LPP: variants seen among roughly 807,000 people sequenced by gnomAD.
LPP encodes lipoma-preferred partner.
In LPP, 38 loss-of-function variants were observed where a neutral mutation model predicts 60.4. The ratio of observed to expected loss-of-function variants is 0.63; its 90% CI spans 0.49 to 0.83. The LOEUF (loss-of-function observed/expected upper bound fraction) is 0.83, where lower values mean the gene tolerates loss of function less well. Among genes scored for constraint, LPP ranks in the 40% least tolerant of loss-of-function variants. The pLI is 0.00. For synonymous variants in LPP, 328 were observed against 290.8 expected (o/e 1.13, Z -1.30); for missense variants, 902 against 783.6 (o/e 1.15, Z -1.80).
chr3:188,760,130 G>A lies in LPP; in HGVS notation c.1258G>A (p.Gly420Arg), dbSNP rs558271192. 15 of 1,613,928 alleles carry A rather than the reference G, an allele frequency of 9.3e-6. No homozygotes were observed. In the South Asian group the frequency reaches 1.4e-4, roughly 15 times the overall value. ...TTTTCCAGGCCGCTGTGCTCGCTGT[G>A]GAGAAAACGTAGTTGGGGAAGGTAC... Reference protein sequence around the residue: ...DEYFGRCARCGENVVGEGTGC... With the variant: ...DEYFGRCARCRENVVGEGTGC... The change falls in exon 9 of 12, where the codon GGA becomes AGA. Residue 420 changes from glycine to arginine, a missense_variant. By Grantham distance (125) the Gly-to-Arg change is moderately radical (BLOSUM62 -2). Coordinates refer to ENST00000617246, the MANE Select transcript of LPP (RefSeq NM_001375462.1).
chr3:188,633,655 A>C (rs1427968524), intron 7 of LPP, among the ~76,000 whole-genome samples: 1 of 152,182 alleles, frequency 6.6e-6, no homozygotes, highest in Non-Finnish European at 1.5e-5. Flanking sequence ...GGGCATGCTA[A>C]CAAAAATAAT....
intron 8 of LPP, 58 bp downstream of exon 8, chr3:188,708,451 T>C (rs1468609020): frequency 1.9e-6 from 3 of 1,612,108 alleles, no homozygotes; most frequent in East Asian, 2.2e-5. Flanking sequence ...TTTCCTTCCT[T>C]AGTAATTGGA....
At position 188,609,831 on chromosome 3, in the gene LPP, C is replaced by T; in HGVS notation, c.1100C>T (p.Pro367Leu). 6.2e-7 allele frequency: 1 copy of T among 1,610,248 alleles called. No individual in the cohort carries two copies. The highest frequency in any genetic ancestry group is 8.5e-7 in the Non-Finnish European group (1 of 1,178,428). ...CCTGTTTCAGCCCCCTGTGCGCCACCATTGCAGCCAAAGGTAAGAAACTCA... is the reference window on the plus strand; with the variant it reads ...CCTGTTTCAGCCCCCTGTGCGCCACTATTGCAGCCAAAGGTAAGAAACTCA... ...TDPVSAPCAP[P>L]LQPKGGHSGQ... Residue 367 changes from proline to leucine, a missense_variant, in exon 7 of 12, where the codon CCA becomes CTA. By Grantham distance (98) the Pro-to-Leu change is moderately conservative (BLOSUM62 -3). Coordinates refer to ENST00000617246, the MANE Select transcript of LPP (RefSeq NM_001375462.1). This position sits in a 1 kb window ranked among gnomAD's most constrained non-coding sequence, Gnocchi z 6.9.
intron 7 of LPP, among the ~76,000 whole-genome samples, chr3:188,612,180 A>G (rs1580390511): frequency 1.3e-5 from 2 of 152,276 alleles, no homozygotes; most frequent in South Asian, 2.1e-4. Flanking sequence ...AAATCAAACC[A>G]TGTACTTTTC....
intron 7 of LPP, among the ~76,000 whole-genome samples, chr3:188,624,620 G>C (rs1846414290): frequency 6.6e-6 from 1 of 152,160 alleles, no homozygotes; most frequent in African/African-American, 2.4e-5. Flanking sequence ...GCAGTTCTGT[G>C]AGTTCTAGTA....
intron 9 of LPP, among the ~76,000 whole-genome samples, chr3:188,804,502 G>A (rs948946396): frequency 4.6e-5 from 7 of 151,184 alleles, no homozygotes; most frequent in Non-Finnish European, 1.0e-4. Flanking sequence ...AATACCTATT[G>A]GATACAGTCC....
intron 4 of LPP, among the ~76,000 whole-genome samples, chr3:188,481,352 T>C (rs1415822663): frequency 6.6e-6 from 1 of 152,340 alleles, no homozygotes; most frequent in African/African-American, 2.4e-5. Context: ...AAAACTTTGG[T>C]CTGACTTAAT....
rs761556133 is a variant in LPP, at chr3:188,609,601, C to T, written c.870C>T (p.Ala290=). The T allele has an allele frequency of 2.5e-6, 4 of 1,614,150 alleles. No individual in the cohort carries two copies. The highest frequency in any genetic ancestry group is 1.7e-5 in the Admixed American group (1 of 60,014). Residue 290 remains alanine, a synonymous_variant, in exon 7 of 12, where the codon GCC becomes GCT. Coordinates refer to ENST00000617246, the MANE Select transcript of LPP (RefSeq NM_001375462.1). The surrounding 1 kb of genome is among the most constrained non-coding windows in gnomAD (Gnocchi z 6.9). Reference sequence around the variant, plus strand: ...AGCCGGAGCCTGGGTATGGGTATGCCCCCAACCAGGGACGCTATTATGAAG... The same window carrying T: ...AGCCGGAGCCTGGGTATGGGTATGCTCCCAACCAGGGACGCTATTATGAAG... The part of the protein sequence containing the change: ...GLQPEPGYGY[A]PNQGRYYEGY...
At chr3:188,335,637 T>C (rs1362499530) in intron 2 of LPP, among the ~76,000 whole-genome samples, 1 of 152,218 alleles carries the variant, frequency 6.6e-6, no homozygotes, top group African/African-American at 2.4e-5. Flanking sequence ...TTTCTTGATT[T>C]AGTAAAATTG....
At chr3:188,785,912 CTT>C (rs1368682456) in intron 9 of LPP, among the ~76,000 whole-genome samples, 1 of 152,014 alleles carries the variant, frequency 6.6e-6, no homozygotes, top group Non-Finnish European at 1.5e-5. Flanking sequence ...TCAATTTTCT[CTT>C]TAGTCACCCT....
intron 4 of LPP, among the ~76,000 whole-genome samples, chr3:188,441,174 C>T (rs567191662): frequency 6.6e-6 from 1 of 152,228 alleles, no homozygotes; most frequent in East Asian, 1.9e-4. Context: ...GTTGACACTG[C>T]AGAGATGATG....
rs888468383 is a variant in LPP, at chr3:188,760,010, T to C, written c.1241-103T>C. The stretch of plus-strand genomic sequence containing the variant: ...GGGGTAATGACGGCAGGAGTGGTGG[T>C]TCTATTGCTGCTGACGTTATGAACC... On this transcript the variant is annotated intron_variant, in intron 8 of 11. Transcript: ENST00000617246. 5 of 933,310 alleles carry C rather than the reference T, an allele frequency of 5.4e-6. No individual in the cohort carries two copies. In the African/African-American group the frequency reaches 8.2e-5, roughly 15 times the overall value. 57.8% of individuals were successfully genotyped at this position (933,310 alleles called of 1,614,324 possible).
rs147953348 is a variant in LPP, at chr3:188,856,968, T to TA, written c.1411-9230dup. Among the ~76,000 whole-genome samples, 457 of 152,344 alleles carry TA rather than the reference T, an allele frequency of 3.0e-3. 1 individual carries two copies. The highest frequency in any genetic ancestry group is 0.011 in the African/African-American group (449 of 41,572). ...TCATTGGCTATGTAAGTAATTATGT[T>TA]AATTTTATCATATTCTTATTGTTAA... On this transcript the variant is annotated intron_variant, in intron 9 of 11. Transcript: ENST00000617246.
At chr3:188,374,978 T>C (rs1267766419) in intron 3 of LPP, among the ~76,000 whole-genome samples, 1 of 152,130 alleles carries the variant, frequency 6.6e-6, no homozygotes, top group African/African-American at 2.4e-5. Flanking sequence ...GTGGTTTTTG[T>C]CTTTGGTTCT....
chr3:188,776,422 A>G (rs1737808009), intron 9 of LPP, among the ~76,000 whole-genome samples: 1 of 152,238 alleles, frequency 6.6e-6, no homozygotes, highest in Non-Finnish European at 1.5e-5. Flanking sequence ...CTTGTTCAGT[A>G]AAGATTTGTT....
intron 2 of LPP, among the ~76,000 whole-genome samples, chr3:188,283,624 T>C (rs1742880260): frequency 6.6e-6 from 1 of 152,162 alleles, no homozygotes; most frequent in Non-Finnish European, 1.5e-5. Context: ...AGAAAGAGGA[T>C]GCGTGATACT....
intron 2 of LPP, among the ~76,000 whole-genome samples, chr3:188,252,351 C>T (rs1429491332): frequency 8.6e-6 from 1 of 116,154 alleles, no homozygotes. Flanking sequence ...TTTCCCCCTT[C>T]TTCCGTTTTT....
At chr3:188,711,058 G>T (rs1866534332) in intron 8 of LPP, 1 of 152,124 alleles carries the variant, frequency 6.6e-6, no homozygotes, top group Non-Finnish European at 1.5e-5. Flanking sequence ...AATACTCAAG[G>T]TTCTCCCATG....
chr3:188,615,637 T>C (rs1844698514), intron 7 of LPP, among the ~76,000 whole-genome samples: 1 of 152,180 alleles, frequency 6.6e-6, no homozygotes, highest in South Asian at 2.1e-4. Context: ...TAGGGCCCTA[T>C]TAGTGTTTAA....
Sources: gnomAD v4.1 joint callset for allele counts (sites outside exome capture counted in the v4.1 genomes callset) on GRCh38, gnomAD v4.1.1 for gene constraint, Gnocchi (gnomAD v3.1) non-coding constraint, MANE v1.5 for transcripts, NCBI Gene and HGNC (gene_info 2026-07-23, HGNC 2026-07-21) for gene names.